Variants in MYH10 observed in about 807,000 individuals in gnomAD.
MYH10 encodes myosin-10.
MYH10 carries 55 observed loss-of-function variants against 257.8 expected under a neutral mutation model. The observed-to-expected ratio is 0.21, with a 90% CI of 0.17 to 0.27. The LOEUF (loss-of-function observed/expected upper bound fraction) is 0.27, where lower values mean the gene tolerates loss of function less well. Among genes scored for constraint, MYH10 ranks in the 10% least tolerant of loss-of-function variants. MYH10 has a pLI of 1.00. For synonymous variants in MYH10, 854 were observed against 921.7 expected (o/e 0.93, Z 1.33); for missense variants, 1,631 against 2,500.6 (o/e 0.65, Z 7.42).
chr17:8,512,396 A>G, intron 24 of MYH10, 55 bp downstream of exon 24: 17 of 1,405,236 alleles, frequency 1.2e-5, no homozygotes, highest in Non-Finnish European at 1.7e-5. Flanking sequence ...TGTTTATTCA[A>G]CAGATCCACT....
chr17:8,603,404 T>A lies in MYH10; in HGVS notation c.502+1422A>T, dbSNP rs2084683233. On this transcript the variant is annotated intron_variant, in intron 3 of 42. Coordinates refer to ENST00000360416, the MANE Select transcript of MYH10 (RefSeq NM_001256012.3). ...CATATTTTAAGCTCAAGGATTGGTT[T>A]AAAGGTTTCCCTTTTAAAAAATTAG... is the stretch of plus-strand genomic sequence containing the variant. 3.9e-5 allele frequency among the ~76,000 whole-genome samples: 6 copies of A among 152,240 alleles called. No homozygotes were observed. In the South Asian group the frequency reaches 1.2e-3, roughly 32 times the overall value.
rs777171855 is a variant in MYH10, at chr17:8,504,767, T to C, written c.3526A>G (p.Ser1176Gly). The C allele has an allele frequency of 9.9e-6, 16 of 1,614,190 alleles. No homozygotes were observed. Among genetic ancestry groups the C allele is most frequent in the Non-Finnish European group, 1.4e-5 (16 of 1,180,018 alleles). ...NKAEKQKRDL[S>G]EELEALKTEL... ...GTTTTCAGAGCTTCCAGTTCCTCAC[T>C]CAAGTCCCTTTTCTGCTTTTCGGCC... The change falls in exon 28 of 43, where the codon AGT becomes GGT. Residue 1176 changes from serine (S) to glycine (G), a missense_variant. Around this residue, in one of 11 missense-constraint regions of MYH10, gnomAD observed 169 missense variants for 249.8 expected, o/e 0.68. Coordinates refer to ENST00000360416, the MANE Select transcript of MYH10 (RefSeq NM_001256012.3). This position sits in a 1 kb window ranked among gnomAD's most constrained non-coding sequence, Gnocchi z 5.6.
At position 8,480,288 on chromosome 17, in the gene MYH10, C is replaced by G; in HGVS notation, c.5419G>C (p.Glu1807Gln). 1 of 1,614,106 alleles carries G rather than the reference C, an allele frequency of 6.2e-7. No individual in the cohort carries two copies. The highest frequency in any genetic ancestry group is 8.5e-7 in the Non-Finnish European group (1 of 1,180,032). ...VDTLNAELAA[E>Q]RSAAQKSDNA... ...TCACTCTTCTGGGCGGCGCTGCGCT[C>G]GGCTGCTAGCTCGGCGTTCAGTGTG... Residue 1807 changes from glutamate (E) to glutamine (Q), a missense_variant, in exon 40 of 43, where the codon GAG becomes CAG. Physicochemically the swap from Glu to Gln is conservative, Grantham distance 29. This residue lies in a region of MYH10 where 343 missense variants were observed against 389.5 expected (regional missense o/e 0.88). Coordinates refer to ENST00000360416, the MANE Select transcript of MYH10 (RefSeq NM_001256012.3).
Position 8,504,560 on chromosome 17 carries a change from A to T in MYH10, c.3599+134T>A. On this transcript the variant is annotated intron_variant, in intron 28 of 42. Coordinates refer to ENST00000360416, the MANE Select transcript of MYH10 (RefSeq NM_001256012.3). This position sits in a 1 kb window ranked among gnomAD's most constrained non-coding sequence, Gnocchi z 5.6. ...GGTCTGTTTCTAACCATTACCATTT[A>T]ATCACCGTTCCACCTGCCATCACAA... 2 of 741,978 alleles carry T rather than the reference A, an allele frequency of 2.7e-6. No homozygotes were observed. The highest frequency in any genetic ancestry group is 4.4e-6 in the Non-Finnish European group (2 of 455,148). The allele number at this position is 741,978 out of a possible 1,614,324, so 46.0% of individuals were successfully genotyped here.
At chr17:8,497,223 TGTA>T (rs1916771520) in intron 30 of MYH10, among the ~76,000 whole-genome samples, 1 of 152,224 alleles carries the variant, frequency 6.6e-6, no homozygotes, top group African/African-American at 2.4e-5. Context: ...AATCATGTAC[TGTA>T]GTGTGGTCTT....
At chr17:8,605,445 G>T (rs770254405) in intron 2 of MYH10, among the ~76,000 whole-genome samples, 1 of 152,054 alleles carries the variant, frequency 6.6e-6, no homozygotes, top group Non-Finnish European at 1.5e-5. Context: ...TCTAAAAAGG[G>T]TATTAAAATA....
chr17:8,548,826 T>C (rs781400344), intron 9 of MYH10, 39 bp from the exon 10 acceptor site: 1 of 1,553,292 alleles, frequency 6.4e-7, no homozygotes, highest in Admixed American at 1.7e-5. Context: ...TGATAAATAC[T>C]CATGAAGACA....
chr17:8,568,844 A>T (rs1028629875), intron 7 of MYH10, among the ~76,000 whole-genome samples: 2 of 151,974 alleles, frequency 1.3e-5, no homozygotes, highest in African/African-American at 4.8e-5. Flanking sequence ...ATCACTTAGG[A>T]TAACATTCTC....
chr17:8,500,445 A>C (rs1461030677), intron 29 of MYH10, among the ~76,000 whole-genome samples: 1 of 152,222 alleles, frequency 6.6e-6, no homozygotes, highest in Admixed American at 6.5e-5. Flanking sequence ...GAATGTCAGG[A>C]ACCCCTGAAG....
chr17:8,629,639 A>G (rs2085825092), intron 1 of MYH10, among the ~76,000 whole-genome samples: 1 of 152,098 alleles, frequency 6.6e-6, no homozygotes, highest in Non-Finnish European at 1.5e-5. Flanking sequence ...GTCCGATTTT[A>G]TGGGATCAGG....
intron 4 of MYH10, 91 bp from the exon 5 acceptor site, chr17:8,577,429 C>A: frequency 8.1e-6 from 5 of 620,314 alleles, no homozygotes; most frequent in South Asian, 6.3e-5. Context: ...TGTATTGGAA[C>A]AATAATTAAT....
chr17:8,484,153 G>T lies in MYH10; in HGVS notation c.5160C>A (p.Ile1720=). 1 of 1,597,754 alleles carries T rather than the reference G, an allele frequency of 6.3e-7. No homozygotes were observed. Among genetic ancestry groups the T allele is most frequent in the Non-Finnish European group, 8.5e-7 (1 of 1,174,840 alleles). Residue 1720 remains isoleucine, a synonymous_variant, in exon 37 of 43, where the codon ATC becomes ATA. Transcript: ENST00000360416. ...ACAAACCAACCTCCTGCAATTGAAG[G>T]ATTTCTGCTTCCAGACTCTTCAATT... ...EKKLKSLEAE[I]LQLQEELASS...
At chr17:8,544,776 T>A (rs1424069996) in intron 13 of MYH10, among the ~76,000 whole-genome samples, 1 of 152,194 alleles carries the variant, frequency 6.6e-6, no homozygotes, top group Non-Finnish European at 1.5e-5. Flanking sequence ...CCGTAGCAGG[T>A]GTGTGACTGT....
At chr17:8,614,196 T>C (rs369752800) in intron 2 of MYH10, among the ~76,000 whole-genome samples, 9 of 148,810 alleles carry the variant, frequency 6.0e-5, no homozygotes, top group Middle Eastern at 3.5e-3. Context: ...CTAACAAATA[T>C]AAAAGAATTG....
intron 4 of MYH10, among the ~76,000 whole-genome samples, chr17:8,586,443 A>G (rs190957892): frequency 6.6e-6 from 1 of 152,238 alleles, no homozygotes; most frequent in African/African-American, 2.4e-5. Context: ...TGAAATATTA[A>G]CAGTAGAATC....
intron 35 of MYH10, among the ~76,000 whole-genome samples, chr17:8,488,244 G>A (rs1915203046): frequency 6.6e-6 from 1 of 152,214 alleles, no homozygotes; most frequent in African/African-American, 2.4e-5. Context: ...GCCTCCTAGT[G>A]TGCAGTGGGG....
At chr17:8,499,548 G>A in intron 29 of MYH10, 72 bp from the exon 30 acceptor site, 1 of 1,421,476 alleles carries the variant, frequency 7.0e-7, no homozygotes. Context: ...TGCTTTTTGA[G>A]TCTGCAGAAT....
At chr17:8,527,694 C>T (rs1022577335) in intron 17 of MYH10, among the ~76,000 whole-genome samples, 29 of 152,352 alleles carry the variant, frequency 1.9e-4, no homozygotes, top group African/African-American at 6.3e-4. Flanking sequence ...CAGGCACTCC[C>T]CATGTGCCAC....
At position 8,571,197 on chromosome 17, in the gene MYH10, C is replaced by T. The variant is rs1411235093; in HGVS notation, c.664-1385G>A. Among the ~76,000 whole-genome samples, 45 of 116,228 alleles carry T rather than the reference C, an allele frequency of 3.9e-4. 1 individual carries two copies. The highest frequency in any genetic ancestry group is 4.1e-4 in the African/African-American group (13 of 31,358). 76.3% of individuals were successfully genotyped at this position (116,228 alleles called of 152,430 possible). A position where few individuals can be genotyped will look rare whatever the true frequency, so the allele number is the denominator to read the frequency against. On this transcript the variant is annotated intron_variant, in intron 6 of 42. Transcript: ENST00000360416. ...AGTTTTTGTTTTTTTTTTTTTGAGA[C>T]GGAGACTCACTCTGTCGCCCAGGCT...
Sources: gnomAD v4.1 joint callset for allele counts (sites outside exome capture counted in the v4.1 genomes callset) on GRCh38, gnomAD v4.1.1 for gene constraint, gnomAD v4.1.1 regional missense constraint, Gnocchi (gnomAD v3.1) non-coding constraint, MANE v1.5 for transcripts, NCBI Gene and HGNC (gene_info 2026-07-23, HGNC 2026-07-21) for gene names.